SSH2: variants seen among roughly 807,000 people sequenced by gnomAD.
SSH2 encodes slingshot protein phosphatase 2, also known as protein phosphatase Slingshot homolog 2.
In SSH2, 37 loss-of-function variants were observed where a neutral mutation model predicts 135.2. The ratio of observed to expected loss-of-function variants is 0.27; its 90% CI spans 0.21 to 0.36. SSH2 has a LOEUF of 0.36. Ranked by LOEUF, SSH2 falls within the 10% of genes least tolerant of loss-of-function variation. The pLI, the probability that SSH2 is intolerant of heterozygous loss-of-function variation, is 1.00. For synonymous variants in SSH2, 628 were observed against 646.2 expected, an observed-to-expected ratio of 0.97 and a Z score of 0.43; for missense variants, 1,408 against 1,765.3, an observed-to-expected ratio of 0.80 and a Z score of 3.63.
chr17:29,737,664 A>C (rs1013240693), intron 3 of SSH2, among the ~76,000 whole-genome samples: 1 of 152,214 alleles, frequency 6.6e-6, no homozygotes, highest in African/African-American at 2.4e-5. Context: ...CTTTAAAATG[A>C]TGCTGAAATA....
At chr17:29,798,303 C>T (rs1473480269) in intron 2 of SSH2, among the ~76,000 whole-genome samples, 1 of 151,806 alleles carries the variant, frequency 6.6e-6, no homozygotes, top group East Asian at 1.9e-4. Context: ...AGATTACAGG[C>T]GTGTACCACC....
chr17:29,794,028 T>G, intron 2 of SSH2, 91 bp from the exon 3 acceptor site: 1 of 1,036,148 alleles, frequency 9.7e-7, no homozygotes, highest in African/African-American at 1.6e-5. Flanking sequence ...TCACATGTTG[T>G]GTACTTGAAC....
chr17:29,920,055 C>T (rs549954848), intron 1 of SSH2, among the ~76,000 whole-genome samples: 3 of 152,108 alleles, frequency 2.0e-5, no homozygotes, highest in East Asian at 1.9e-4. Context: ...TACAGGCATG[C>T]GCCACCACAC....
In SSH2 at chr17:29,632,118, G is replaced by T. The variant is rs150943462; in HGVS notation, c.3076C>A (p.Gln1026Lys). 1 of 1,614,120 alleles carries T rather than the reference G, an allele frequency of 6.2e-7. No individual in the cohort carries two copies. Among genetic ancestry groups the T allele is most frequent in the East Asian group, 2.2e-5 (1 of 44,886 alleles). ...TVIPYQESET[Q>K]AVPLPLPKRV... is the part of the protein sequence containing the mutation. ...TTGGGAAGGGGAAGAGGGACTGCTT[G>T]TGTTTCAGACTCCTGGTATGGAATC... Residue 1026 changes from glutamine (Q) to lysine (K), a missense_variant, in exon 16 of 16, where the codon CAA becomes AAA. Coordinates refer to ENST00000540801, the MANE Select transcript of SSH2 (RefSeq NM_001282129.2).
chr17:29,906,912 T>G (rs534904488), intron 1 of SSH2, among the ~76,000 whole-genome samples: 107 of 152,186 alleles, frequency 7.0e-4, no homozygotes, highest in Admixed American at 1.6e-3. Context: ...ACACTGCTGG[T>G]GGGAGTGTAA....
chr17:29,629,391 A>G lies in SSH2; in HGVS notation c.*1450T>C, dbSNP rs1034710634. On this transcript the variant is annotated 3_prime_UTR_variant, in exon 16 of 16. Transcript: ENST00000540801. ...CAGTCTCACAGAGAAATCAGCTTTC[A>G]GTCACGCTGTGACCTAATGGGAGCC... The G allele has an allele frequency of 6.5e-6, 1 of 152,694 alleles. No individual in the cohort carries two copies. The highest frequency in any genetic ancestry group is 2.4e-5 in the African/African-American group (1 of 41,476). The allele number at this position is 152,694 out of a possible 1,614,324, so 9.5% of individuals were successfully genotyped here.
intron 3 of SSH2, among the ~76,000 whole-genome samples, chr17:29,711,428 C>T (rs528966881): frequency 1.6e-4 from 24 of 152,266 alleles, no homozygotes; most frequent in Non-Finnish European, 1.5e-4. Flanking sequence ...CTTACTGATA[C>T]GATCTTCTAA....
In SSH2 at chr17:29,814,005, T is replaced by C. The variant is rs548009507; in HGVS notation, c.145-20068A>G. Among the ~76,000 whole-genome samples, 227 of 124,048 alleles carry C rather than the reference T, an allele frequency of 1.8e-3. 1 individual carries two copies. The highest frequency in any genetic ancestry group is 3.1e-3 in the Non-Finnish European group (183 of 58,568). 81.4% of individuals were successfully genotyped at this position (124,048 alleles called of 152,430 possible). ...AAATTAGCCAGGCGTGGTGGCGCGC[T>C]TGTAGTCCCAGCTACTAGGGAGGCT... On this transcript the variant is annotated intron_variant, in intron 2 of 15. Transcript: ENST00000540801.
intron 3 of SSH2, among the ~76,000 whole-genome samples, chr17:29,738,082 G>A (rs916604769): frequency 3.9e-5 from 6 of 152,018 alleles, no homozygotes; most frequent in Middle Eastern, 3.2e-3. Context: ...CCACCCTCCC[G>A]TGACCCCACA....
chr17:29,709,050 A>AGC (rs1555617864), intron 3 of SSH2, among the ~76,000 whole-genome samples: 66 of 145,612 alleles, frequency 4.5e-4, no homozygotes, highest in African/African-American at 1.0e-3. Flanking sequence ...AGAGAGAGAG[A>AGC]GAGCTAATAA....
rs186671593 is a variant in SSH2, at chr17:29,815,051, C to T, written c.145-21114G>A. On this transcript the variant is annotated intron_variant, in intron 2 of 15. Coordinates refer to ENST00000540801, the MANE Select transcript of SSH2 (RefSeq NM_001282129.2). ...GGAACCTCCACCTCCCAGGTTCTAG[C>T]GATTCTCTTGCTTCGGCTACCCAAG... Among the ~76,000 whole-genome samples, 137 of 149,060 alleles carry T rather than the reference C, an allele frequency of 9.2e-4. No homozygotes were observed. The South Asian group carries it at 0.012, about 14-fold the overall frequency.
At chr17:29,645,213 A>T (rs563039837) in intron 14 of SSH2, 16 of 152,328 alleles carry the variant, frequency 1.1e-4, no homozygotes, top group African/African-American at 3.8e-4. Flanking sequence ...TTCATTTTAT[A>T]GATGGGGTCA....
chr17:29,745,158 G>A (rs2244585), intron 3 of SSH2, among the ~76,000 whole-genome samples: 69,162 of 151,136 alleles, frequency 0.46, 16,228 homozygotes, highest in Non-Finnish European at 0.51. Context: ...TTTTCTTTTC[G>A]TTTTTCTTTT....
intron 3 of SSH2, among the ~76,000 whole-genome samples, chr17:29,778,864 A>T (rs1458996002): frequency 7.5e-6 from 1 of 132,916 alleles, no homozygotes. Context: ...AAAAAAAAAA[A>T]AGTAAGTCAT....
chr17:29,818,756 G>A (rs1224775687), intron 2 of SSH2, among the ~76,000 whole-genome samples: 1 of 151,822 alleles, frequency 6.6e-6, no homozygotes, highest in Non-Finnish European at 1.5e-5. Context: ...TTTTTTTCAT[G>A]AGAAACTTGT....
At chr17:29,919,479 C>T (rs1021416367) in intron 1 of SSH2, among the ~76,000 whole-genome samples, 1 of 152,208 alleles carries the variant, frequency 6.6e-6, no homozygotes, top group Admixed American at 6.5e-5. Flanking sequence ...AGCTTTGCTG[C>T]TCAGATGGGC....
intron 1 of SSH2, among the ~76,000 whole-genome samples, chr17:29,864,971 G>C (rs1320693608): frequency 6.6e-6 from 1 of 152,102 alleles, no homozygotes; most frequent in Admixed American, 6.5e-5. Context: ...AGAGCCACTG[G>C]TCCAAAGTAT....
intron 3 of SSH2, among the ~76,000 whole-genome samples, chr17:29,737,187 G>A (rs183049652): frequency 6.6e-6 from 1 of 151,048 alleles, no homozygotes; most frequent in East Asian, 1.9e-4. Flanking sequence ...AAATGCAGTG[G>A]CCTTATATTA....
At chr17:29,880,915 A>G (rs139278919) in intron 1 of SSH2, among the ~76,000 whole-genome samples, 79 of 152,346 alleles carry the variant, frequency 5.2e-4, no homozygotes, top group African/African-American at 1.8e-3. Flanking sequence ...GGCTCAGTTC[A>G]GGAGTCTTAT....
Sources: gnomAD v4.1 joint callset for allele counts (sites outside exome capture counted in the v4.1 genomes callset) on GRCh38, gnomAD v4.1.1 for gene constraint, MANE v1.5 for transcripts, NCBI Gene and HGNC (gene_info 2026-07-23, HGNC 2026-07-21) for gene names.